SPTBN2: variants seen among roughly 807,000 people sequenced by gnomAD.
SPTBN2 encodes the protein spectrin beta chain, non-erythrocytic 2.
A neutral mutation model predicts 284.2 loss-of-function variants in SPTBN2; 107 were observed. That is an observed-to-expected ratio of 0.38 (90% CI 0.32 to 0.44). The LOEUF (loss-of-function observed/expected upper bound fraction) is 0.44, where lower values mean the gene tolerates loss of function less well. Among genes scored for constraint, SPTBN2 ranks in the 20% least tolerant of loss-of-function variants. SPTBN2 has a pLI of 1.00. For missense variants in SPTBN2, 2,569 were observed against 3,287.1 expected, an observed-to-expected ratio of 0.78 and a Z score of 5.34; for synonymous variants, 1,289 against 1,354.8, an observed-to-expected ratio of 0.95 and a Z score of 1.07.
chr11:66,686,193 A>G (rs547254693), intron 37 of SPTBN2, 89 bp from the exon 38 acceptor site: 1 of 1,445,800 alleles, frequency 6.9e-7, no homozygotes, highest in East Asian at 2.3e-5. Flanking sequence ...AGGAGGAGGC[A>G]GAAAGTGAGC....
chr11:66,689,420 C>T (rs1940383933), intron 29 of SPTBN2: 3 of 543,540 alleles, frequency 5.5e-6, no homozygotes, highest in Admixed American at 3.2e-5. Flanking sequence ...ATTACAGGTG[C>T]CCGCCACCAC....
chr11:66,735,524 A>G (rs988917487), intron 1 of SPTBN2, among the ~76,000 whole-genome samples: 8 of 152,122 alleles, frequency 5.3e-5, no homozygotes, highest in African/African-American at 1.7e-4. Flanking sequence ...AGCTTGTGCA[A>G]TAATAGTGAG....
Position 66,710,859 on chromosome 11 carries a change from G to T in SPTBN2, c.885+58C>A. 1 of 1,610,728 alleles carries T rather than the reference G, an allele frequency of 6.2e-7. No homozygotes were observed. Among genetic ancestry groups the T allele is most frequent in the Non-Finnish European group, 8.5e-7 (1 of 1,177,288 alleles). ...TCCACCCTGCCCTTGCACTAGGGCA[G>T]TAAGACCCCTCAGCCGGGCCTCCTC... On this transcript the variant is annotated intron_variant, in intron 9 of 37. Coordinates refer to ENST00000533211, the MANE Select transcript of SPTBN2 (RefSeq NM_006946.4). This position sits in a 1 kb window ranked among gnomAD's most constrained non-coding sequence, Gnocchi z 4.9.
rs1008857169 is a variant in SPTBN2 at position 66,694,202 on chromosome 11, G to C, written c.4440C>G (p.Arg1480=). The change falls in exon 22 of 38, where the codon CGC becomes CGG. Residue 1480 remains arginine, a synonymous_variant. Transcript: ENST00000533211. The part of the protein sequence containing the change: ...FRALCQPMRE[R]CRRLQASREQ... ...CGCGAGAAGCCTGCAGGCGCCGGCA[G>C]CGTTCCCGCATGGGCTGGCACAAGG... is the stretch of plus-strand genomic sequence containing the variant. 2 of 1,613,516 alleles carry C rather than the reference G, an allele frequency of 1.2e-6. No individual in the cohort carries two copies. Among genetic ancestry groups the C allele is most frequent in the African/African-American group, 1.3e-5 (1 of 74,936 alleles).
intron 31 of SPTBN2, among the ~76,000 whole-genome samples, 155 bp from the exon 32 acceptor site, chr11:66,688,466 G>C (rs1940305552): frequency 6.6e-6 from 1 of 152,154 alleles, no homozygotes; most frequent in Non-Finnish European, 1.5e-5. Context: ...CAAAGCGGGA[G>C]AAGGTGTCTC....
rs1382756976 is a variant in SPTBN2, at chr11:66,700,662, C to T, written c.3437G>A (p.Arg1146Gln). ...ADPQCLFLRQ[R>Q]LEALGTGWEE... ...CCAGCCAGTTCCCAGGGCCTCCAGTCGCTGTCGTAGGAAGAGGCACTGGGG... is the reference window on the plus strand; with the variant it reads ...CCAGCCAGTTCCCAGGGCCTCCAGTTGCTGTCGTAGGAAGAGGCACTGGGG... The change falls in exon 17 of 38, where the codon CGA (arginine) becomes CAA (glutamine). Residue 1146 changes from arginine to glutamine, a missense_variant. Arg to Gln is a conservative substitution (Grantham distance 43, BLOSUM62 1). Around this residue, in one of 6 missense-constraint regions of SPTBN2, gnomAD observed 1,012 missense variants for 1,248.9 expected, o/e 0.81. Transcript: ENST00000533211. The surrounding 1 kb of genome is among the most constrained non-coding windows in gnomAD (Gnocchi z 6.6). The T allele has an allele frequency of 8.1e-6, 13 of 1,607,380 alleles. No homozygotes were observed. The highest frequency in any genetic ancestry group is 1.1e-5 in the Non-Finnish European group (13 of 1,179,940).
intron 1 of SPTBN2, among the ~76,000 whole-genome samples, chr11:66,744,044 A>G (rs1457970403): frequency 1.3e-5 from 2 of 151,998 alleles, no homozygotes; most frequent in Non-Finnish European, 2.9e-5. Flanking sequence ...TATTTTCAGT[A>G]GAGACGGGGT....
rs1448989382 is a variant in SPTBN2 at position 66,708,445 on chromosome 11, CAG to C, written c.1192-148_1192-147del. On this transcript the variant is annotated intron_variant, in intron 11 of 37. Transcript: ENST00000533211. The surrounding 1 kb of genome is among the most constrained non-coding windows in gnomAD (Gnocchi z 4.4). Reference sequence around the variant, plus strand: ...GACGCCTGGGCGTGGAAACAGGAAACAGGGCAGCGCTGGGAGTCTGTGAAGCC... The same window carrying C: ...GACGCCTGGGCGTGGAAACAGGAAACGGCAGCGCTGGGAGTCTGTGAAGCC... 24 of 824,946 alleles carry C rather than the reference CAG, an allele frequency of 2.9e-5. No homozygotes were observed. In the South Asian group the frequency reaches 3.4e-4, roughly 12 times the overall value. The allele number at this position is 824,946 out of a possible 1,614,324, so 51.1% of individuals were successfully genotyped here.
Position 66,691,700 on chromosome 11 carries a change from G to C in SPTBN2, c.5191-42C>G, listed in dbSNP as rs779933208. The C allele has an allele frequency of 3.1e-6, 5 of 1,611,830 alleles. No individual in the cohort carries two copies. The South Asian group carries it at 4.4e-5, about 14-fold the overall frequency. On this transcript the variant is annotated intron_variant, in intron 26 of 37. Transcript: ENST00000533211. This position sits in a 1 kb window ranked among gnomAD's most constrained non-coding sequence, Gnocchi z 8.0. ...ATGGACAGACCATGCCGTGATGTTA[G>C]GGGATGTGGTCCCTGCCTGATGGAG...
chr11:66,711,601 C>T (rs903436159), intron 8 of SPTBN2, among the ~76,000 whole-genome samples: 1 of 152,138 alleles, frequency 6.6e-6, no homozygotes, highest in South Asian at 2.1e-4. Flanking sequence ...TCTTTCAAGC[C>T]GAATTGGCTT....
rs903836770 is a variant in SPTBN2 at position 66,684,634 on chromosome 11, CA to C, written c.*1236del. Among the ~76,000 whole-genome samples the C allele has an allele frequency of 0.038, 2,308 of 60,382 alleles. 34 individuals carry two copies. The highest frequency in any genetic ancestry group is 0.11 in the African/African-American group (1,894 of 17,488). 39.6% of individuals were successfully genotyped at this position (60,382 alleles called of 152,430 possible). A position where few individuals can be genotyped will look rare whatever the true frequency, so the allele number is the denominator to read the frequency against. On this transcript the variant is annotated 3_prime_UTR_variant, in exon 38 of 38. Transcript: ENST00000533211. Reference sequence around the variant, plus strand: ...TGGCTGACAGAGTGAGACTCTGTCTCAAAAAAAAAAAAAAAAAAGAATATAT... The same window carrying C: ...TGGCTGACAGAGTGAGACTCTGTCTCAAAAAAAAAAAAAAAAAGAATATAT...
rs1411811810 is a variant in SPTBN2, at chr11:66,720,943, G to C, written c.157+141C>G. ...AGCCTATTCTTGAGGCTGGATGTGGGGACCAGGGAATTGATAGAGTGCTCT... is the reference window on the plus strand; with the variant it reads ...AGCCTATTCTTGAGGCTGGATGTGGCGACCAGGGAATTGATAGAGTGCTCT... On this transcript the variant is annotated intron_variant, in intron 3 of 37. Coordinates refer to ENST00000533211, the MANE Select transcript of SPTBN2 (RefSeq NM_006946.4). 2.6e-6 allele frequency: 3 copies of C among 1,146,946 alleles called. No homozygotes were observed. The African/African-American group carries it at 4.6e-5, about 18-fold the overall frequency. 71.0% of individuals were successfully genotyped at this position (1,146,946 alleles called of 1,614,324 possible). A position where few individuals can be genotyped will look rare whatever the true frequency, so the allele number is the denominator to read the frequency against.
At chr11:66,741,316 C>G (rs1039879502) in intron 1 of SPTBN2, among the ~76,000 whole-genome samples, 2 of 152,202 alleles carry the variant, frequency 1.3e-5, no homozygotes, top group African/African-American at 4.8e-5. Flanking sequence ...ACTGGGCACT[C>G]ATTCTTCCCC....
At chr11:66,741,813 C>A (rs190577704) in intron 1 of SPTBN2, among the ~76,000 whole-genome samples, 4 of 152,178 alleles carry the variant, frequency 2.6e-5, no homozygotes, top group Non-Finnish European at 5.9e-5. Flanking sequence ...GAGCAAAAAA[C>A]CGTTTTTAAA....
At chr11:66,705,995 C>A (rs997430761) in intron 13 of SPTBN2, among the ~76,000 whole-genome samples, 158 bp from the exon 14 acceptor site, 1 of 152,234 alleles carries the variant, frequency 6.6e-6, no homozygotes, top group African/African-American at 2.4e-5. Context: ...TGCCCTGGCA[C>A]CCCGACCTCC....
Position 66,687,280 on chromosome 11 carries a change from C to T in SPTBN2, c.6723-113G>A. 6.4e-7 allele frequency: 1 copy of T among 1,562,760 alleles called. No individual in the cohort carries two copies. The highest frequency in any genetic ancestry group is 8.7e-7 in the Non-Finnish European group (1 of 1,152,592). On this transcript the variant is annotated intron_variant, in intron 35 of 37. Coordinates refer to ENST00000533211, the MANE Select transcript of SPTBN2 (RefSeq NM_006946.4). The surrounding 1 kb of genome is among the most constrained non-coding windows in gnomAD (Gnocchi z 5.2). ...TCCCATCTTTAGGCCACGGTCTTCA[C>T]ACCCTCTGGTCCTCCCCTGAGGCCC...
At chr11:66,731,440 G>C (rs148219483), upstream of SPTBN2, among the ~76,000 whole-genome samples, 95 of 152,328 alleles carry the variant, frequency 6.2e-4, 2 homozygotes, top group South Asian at 1.7e-3. Context: ...ACATTACCAA[G>C]ATTCATGGAA....
Position 66,700,885 on chromosome 11 carries a change from G to A in SPTBN2, c.3214C>T (p.Arg1072Cys), listed in dbSNP as rs761693467. The change falls in exon 17 of 38, where the codon CGC becomes TGC. Residue 1072 changes from arginine (R) to cysteine (C), a missense_variant. Around this residue, in one of 6 missense-constraint regions of SPTBN2, gnomAD observed 1,012 missense variants for 1,248.9 expected, o/e 0.81. Coordinates refer to ENST00000533211, the MANE Select transcript of SPTBN2 (RefSeq NM_006946.4). This position sits in a 1 kb window ranked among gnomAD's most constrained non-coding sequence, Gnocchi z 6.6. ...GEARRLQDFL[R>C]SLDDFQAWLG... ...CAGGCCTGGAAGTCATCCAAGCTGC[G>A]CAAGAAGTCCTGCAGCCGCCGCGCC... The A allele has an allele frequency of 1.0e-5, 16 of 1,600,048 alleles. No individual in the cohort carries two copies. The highest frequency in any genetic ancestry group is 2.7e-5 in the African/African-American group (2 of 74,914).
rs1772103660 is a variant in SPTBN2 at position 66,715,753 on chromosome 11, T to C, written c.309+77A>G. ...TCCCGCCCTGTGCCGTCACTCTCTC[T>C]GAGGGCTGTTCTTCCAGCTGGTCCC... On this transcript the variant is annotated intron_variant, in intron 4 of 37. Coordinates refer to ENST00000533211, the MANE Select transcript of SPTBN2 (RefSeq NM_006946.4). This position sits in a 1 kb window ranked among gnomAD's most constrained non-coding sequence, Gnocchi z 5.3. The C allele has an allele frequency of 1.9e-6, 3 of 1,576,104 alleles. No individual in the cohort carries two copies. The highest frequency in any genetic ancestry group is 3.6e-5 in the Admixed American group (2 of 55,256).
Sources: gnomAD v4.1 joint callset for allele counts (sites outside exome capture counted in the v4.1 genomes callset) on GRCh38, gnomAD v4.1.1 for gene constraint, gnomAD v4.1.1 regional missense constraint, Gnocchi (gnomAD v3.1) non-coding constraint, MANE v1.5 for transcripts, NCBI Gene and HGNC (gene_info 2026-07-23, HGNC 2026-07-21) for gene names.